Variants in NECTIN3 observed in about 807,000 individuals in gnomAD.
NECTIN3 encodes the protein nectin-3.
NECTIN3 carries 8 observed loss-of-function variants against 49.4 expected under a neutral mutation model. That is an observed-to-expected ratio of 0.16 (90% CI 0.10 to 0.29). NECTIN3 has a LOEUF of 0.29. Among genes scored for constraint, NECTIN3 ranks in the 10% least tolerant of loss-of-function variants. NECTIN3 has a pLI of 1.00. For synonymous variants in NECTIN3, 277 were observed against 241.1 expected, an observed-to-expected ratio of 1.15 and a Z score of -1.38; for missense variants, 581 against 654.6, an observed-to-expected ratio of 0.89 and a Z score of 1.23.
At position 111,122,004 on chromosome 3, in the gene NECTIN3, A is replaced by G. The variant is rs2033977074; in HGVS notation, c.800-117A>G. On this transcript the variant is annotated intron_variant, in intron 3 of 5. Coordinates refer to ENST00000485303, the MANE Select transcript of NECTIN3 (RefSeq NM_015480.3). ...TGTATTGATTATACATGTTGAGACT[A>G]AGGAAAAATGGTTCCTGTTATTCTA... 3 of 686,058 alleles carry G rather than the reference A, an allele frequency of 4.4e-6. No homozygotes were observed. The Admixed American group carries it at 7.8e-5, about 18-fold the overall frequency. 42.5% of individuals were successfully genotyped at this position (686,058 alleles called of 1,614,324 possible).
chr3:111,191,632 A>C (rs141252469), upstream of NECTIN3, among the ~76,000 whole-genome samples: 891 of 152,220 alleles, frequency 5.9e-3, 6 homozygotes, highest in African/African-American at 0.02. Context: ...ATTAGCAAGC[A>C]AGAAAAGGAT....
intron 6 of NECTIN3, chr3:111,147,345 T>C (rs1015488579): frequency 1.0e-5 from 13 of 1,295,580 alleles, no homozygotes; most frequent in African/African-American, 3.0e-5. Flanking sequence ...TGATTTTCTT[T>C]TGCTTTTTTT....
chr3:111,074,926 A>T (rs942973958), intron 1 of NECTIN3: 5 of 152,026 alleles, frequency 3.3e-5, no homozygotes, highest in African/African-American at 4.8e-5. Flanking sequence ...GGTAATGATG[A>T]ATAACAAGAT....
chr3:111,127,461 CTTTCTTT>C (rs2034209252), intron 5 of NECTIN3, among the ~76,000 whole-genome samples: 1 of 131,268 alleles, frequency 7.6e-6, no homozygotes, highest in South Asian at 2.3e-4. Context: ...GAGGTGCAAA[CTTTCTTT>C]TTTTTTTTTT....
intron 1 of NECTIN3, among the ~76,000 whole-genome samples, chr3:111,099,586 A>G (rs1272916956): frequency 6.6e-5 from 10 of 152,200 alleles, no homozygotes; most frequent in African/African-American, 2.2e-4. Flanking sequence ...AATATGTGCT[A>G]TGCATCCTAT....
chr3:111,095,166 A>G (rs539165205), intron 1 of NECTIN3, among the ~76,000 whole-genome samples: 6 of 152,330 alleles, frequency 3.9e-5, no homozygotes, highest in African/African-American at 1.2e-4. Context: ...ACTGTCAGTC[A>G]TGCCACTAGG....
intron 5 of NECTIN3, among the ~76,000 whole-genome samples, chr3:111,131,055 T>C (rs950058579): frequency 6.6e-6 from 1 of 152,060 alleles, no homozygotes; most frequent in African/African-American, 2.4e-5. Context: ...CCTTAAACAT[T>C]AAAATGCATT....
chr3:111,111,406 A>T (rs1239481529), intron 1 of NECTIN3, among the ~76,000 whole-genome samples: 1 of 152,102 alleles, frequency 6.6e-6, no homozygotes, highest in Non-Finnish European at 1.5e-5. Flanking sequence ...CTGACAATTG[A>T]TCTGTCTTTA....
At chr3:111,163,475 A>G (rs1258568992) in intron 7 of NECTIN3, among the ~76,000 whole-genome samples, 3 of 152,344 alleles carry the variant, frequency 2.0e-5, no homozygotes, top group East Asian at 3.9e-4. Context: ...GGAAAATACA[A>G]TCTTTGCTCT....
chr3:111,084,164 T>C (rs1266074559), intron 1 of NECTIN3, among the ~76,000 whole-genome samples: 4 of 151,874 alleles, frequency 2.6e-5, no homozygotes, highest in African/African-American at 4.9e-5. Flanking sequence ...TAGGTGAAGA[T>C]GTTGAGACAC....
At position 111,112,600 on chromosome 3, in the gene NECTIN3, A is replaced by G. The variant is rs541279444; in HGVS notation, c.502+229A>G. Among the ~76,000 whole-genome samples, 58 of 152,214 alleles carry G rather than the reference A, an allele frequency of 3.8e-4. No individual in the cohort carries two copies. The South Asian group carries it at 0.012, about 31-fold the overall frequency. Reference sequence around the variant, plus strand: ...TATGTAATGCTACATAGTTTTATCTAGTTTCTTTATGAAAGATAGTGATGA... The same window carrying G: ...TATGTAATGCTACATAGTTTTATCTGGTTTCTTTATGAAAGATAGTGATGA... On this transcript the variant is annotated intron_variant, in intron 2 of 5. Coordinates refer to ENST00000485303, the MANE Select transcript of NECTIN3 (RefSeq NM_015480.3).
intron 3 of NECTIN3, among the ~76,000 whole-genome samples, chr3:111,121,309 G>C (rs1292095958): frequency 3.3e-5 from 5 of 151,884 alleles, no homozygotes; most frequent in Non-Finnish European, 4.4e-5. Flanking sequence ...CCCCGCGCTG[G>C]GCCAAAACAG....
intron 5 of NECTIN3, among the ~76,000 whole-genome samples, chr3:111,143,378 G>C (rs2034796952): frequency 6.6e-6 from 1 of 151,716 alleles, no homozygotes; most frequent in African/African-American, 2.4e-5. Flanking sequence ...GGACTTACTG[G>C]TTGTAAGATT....
At chr3:111,192,978 A>G (rs1000395241) in intron 1 of NECTIN3, among the ~76,000 whole-genome samples, 1 of 152,164 alleles carries the variant, frequency 6.6e-6, no homozygotes, top group Non-Finnish European at 1.5e-5. Flanking sequence ...CATTAGTCAC[A>G]ATTTTGTATT....
chr3:111,098,559 G>T (rs894499110), intron 1 of NECTIN3, among the ~76,000 whole-genome samples: 1 of 152,090 alleles, frequency 6.6e-6, no homozygotes, highest in East Asian at 1.9e-4. Flanking sequence ...TGTATTTTCT[G>T]TAAGGACACT....
At chr3:111,128,994 C>T (rs934859855) in intron 5 of NECTIN3, among the ~76,000 whole-genome samples, 2 of 152,282 alleles carry the variant, frequency 1.3e-5, no homozygotes, top group Non-Finnish European at 2.9e-5. Flanking sequence ...TTACAGAGCC[C>T]TTCTTCCAGA....
intron 7 of NECTIN3, among the ~76,000 whole-genome samples, chr3:111,159,050 A>T (rs964688434): frequency 1.3e-5 from 2 of 152,194 alleles, no homozygotes; most frequent in African/African-American, 2.4e-5. Flanking sequence ...CATCCATTAG[A>T]TTTGCTGACA....
chr3:111,098,921 G>A (rs1411080461), intron 1 of NECTIN3, among the ~76,000 whole-genome samples: 1 of 139,110 alleles, frequency 7.2e-6, no homozygotes, highest in African/African-American at 3.0e-5. Flanking sequence ...TTAAATAAAC[G>A]TTAGTTTAAA....
chr3:111,154,649 C>T (rs1036857897), intron 7 of NECTIN3, among the ~76,000 whole-genome samples: 1 of 152,132 alleles, frequency 6.6e-6, no homozygotes, highest in Non-Finnish European at 1.5e-5. Flanking sequence ...CTTACCAACA[C>T]TTATGGTCAG....
Sources: allele counts gnomAD v4.1 joint callset (sites outside exome capture counted in the v4.1 genomes callset), GRCh38; gene constraint gnomAD v4.1.1; transcripts MANE v1.5; gene names NCBI Gene and HGNC (gene_info 2026-07-23, HGNC 2026-07-21).